Variants in GPC6 observed in about 807,000 individuals in gnomAD.
The protein encoded by GPC6 is glypican-6.
Under a neutral mutation model 55.2 loss-of-function variants are expected in GPC6, and 14 were observed. The observed-to-expected ratio is 0.25, with a 90% CI of 0.17 to 0.40. The LOEUF is 0.40. GPC6 is among the 10% of genes least tolerant of loss of function. The probability of loss-of-function intolerance (pLI) is 1.00; values close to 1 mark genes in which losing one functional copy is unlikely to be tolerated. For synonymous variants in GPC6, 278 were observed against 259.6 expected, an observed-to-expected ratio of 1.07 and a Z score of -0.68; for missense variants, 641 against 708.5, an observed-to-expected ratio of 0.90 and a Z score of 1.08.
chr13:93,773,584 G>C (rs1409727261), intron 2 of GPC6, among the ~76,000 whole-genome samples: 1 of 152,062 alleles, frequency 6.6e-6, no homozygotes, highest in African/African-American at 2.4e-5. Flanking sequence ...GTAGTTTTAA[G>C]TTGCTTCTCT....
At chr13:93,383,002 A>C (rs1178499281) in intron 1 of GPC6, among the ~76,000 whole-genome samples, 5 of 152,140 alleles carry the variant, frequency 3.3e-5, no homozygotes, top group African/African-American at 9.7e-5. Flanking sequence ...GGTTCAAATC[A>C]ATCCATAATT....
At chr13:94,352,765 G>A (rs1878614615) in intron 6 of GPC6, among the ~76,000 whole-genome samples, 1 of 152,122 alleles carries the variant, frequency 6.6e-6, no homozygotes, top group African/African-American at 2.4e-5. Context: ...GACTTGTGCT[G>A]TCAGTTTCAT....
chr13:93,547,725 A>G (rs993499662), intron 2 of GPC6, among the ~76,000 whole-genome samples: 17 of 146,042 alleles, frequency 1.2e-4, no homozygotes, highest in Admixed American at 6.9e-4. Context: ...CCAGAGTGGG[A>G]AAAAAAAAAA....
At chr13:93,722,221 A>T (rs1381590613) in intron 2 of GPC6, among the ~76,000 whole-genome samples, 1 of 151,742 alleles carries the variant, frequency 6.6e-6, no homozygotes, top group East Asian at 1.9e-4. Flanking sequence ...ATGCCTGAAT[A>T]TTTTTATATG....
At position 94,403,459 on chromosome 13, in the gene GPC6, A is replaced by G. The variant is rs1018832704; in HGVS notation, c.*242A>G. 5.7e-6 allele frequency: 3 copies of G among 524,540 alleles called. No homozygotes were observed. The highest frequency in any genetic ancestry group is 3.4e-5 in the East Asian group (1 of 28,986). 32.5% of individuals were successfully genotyped at this position (524,540 alleles called of 1,614,324 possible). A position where few individuals can be genotyped will look rare whatever the true frequency, so the allele number is the denominator to read the frequency against. ...CTTGTTTATTCTAGAGAGAATTCTT[A>G]CTCAAATTTTTCGTACCAGGAGATT... On this transcript the variant is annotated 3_prime_UTR_variant, in exon 9 of 9. Coordinates refer to ENST00000377047, the MANE Select transcript of GPC6 (RefSeq NM_005708.5).
At chr13:93,247,477 C>A (rs564391400) in intron 1 of GPC6, among the ~76,000 whole-genome samples, 1 of 152,208 alleles carries the variant, frequency 6.6e-6, no homozygotes, top group Admixed American at 6.5e-5. Context: ...TTATCAAGTG[C>A]TAATGTGTGA....
intron 4 of GPC6, among the ~76,000 whole-genome samples, chr13:94,074,049 G>A (rs1316963572): frequency 1.3e-5 from 2 of 152,134 alleles, no homozygotes; most frequent in Non-Finnish European, 2.9e-5. Flanking sequence ...AGGAATCAGT[G>A]TGTATTAGAG....
intron 2 of GPC6, among the ~76,000 whole-genome samples, chr13:93,718,688 T>C (rs1883339080): frequency 6.6e-6 from 1 of 152,208 alleles, no homozygotes; most frequent in Non-Finnish European, 1.5e-5. Flanking sequence ...CCTATTCATA[T>C]GTCCTTAATG....
intron 2 of GPC6, among the ~76,000 whole-genome samples, chr13:93,785,345 G>A (rs1394390856): frequency 1.3e-5 from 2 of 152,164 alleles, no homozygotes; most frequent in Non-Finnish European, 2.9e-5. Context: ...TGTAAGTTTT[G>A]AAAATGGATC....
intron 4 of GPC6, among the ~76,000 whole-genome samples, chr13:94,172,049 T>C (rs1888586463): frequency 6.6e-6 from 1 of 152,152 alleles, no homozygotes; most frequent in Non-Finnish European, 1.5e-5. Context: ...ACAGTGAGCA[T>C]TGTTTAAATG....
chr13:93,883,129 T>C (rs1875097803), intron 3 of GPC6, among the ~76,000 whole-genome samples: 1 of 150,874 alleles, frequency 6.6e-6, no homozygotes, highest in African/African-American at 2.4e-5. Flanking sequence ...CTCTGTTCAA[T>C]ATGCACTGCT....
At chr13:93,511,434 T>G (rs4390456) in intron 1 of GPC6, among the ~76,000 whole-genome samples, 126,498 of 151,632 alleles carry the variant, frequency 0.83, 53,834 homozygotes, top group Non-Finnish European at 0.92. Flanking sequence ...TGAAGGTGGT[T>G]TCCTTTCCCC....
intron 3 of GPC6, among the ~76,000 whole-genome samples, chr13:93,906,431 A>G (rs905238668): frequency 1.3e-5 from 2 of 152,184 alleles, no homozygotes; most frequent in Non-Finnish European, 2.9e-5. Flanking sequence ...TGCTCATGAC[A>G]GTGTCTTACA....
intron 1 of GPC6, among the ~76,000 whole-genome samples, chr13:93,431,066 A>G (rs1877339033): frequency 6.6e-6 from 1 of 152,178 alleles, no homozygotes; most frequent in Non-Finnish European, 1.5e-5. Flanking sequence ...AAAATAAGAC[A>G]TAACAATCTT....
chr13:93,553,876 G>C (rs1051748010), intron 2 of GPC6, among the ~76,000 whole-genome samples: 1 of 116,926 alleles, frequency 8.6e-6, no homozygotes, highest in East Asian at 2.2e-4. Context: ...ACAGTGCCTC[G>C]TGCCTGTAAT....
chr13:93,532,092 T>C (rs1471368235), intron 1 of GPC6, among the ~76,000 whole-genome samples: 1 of 152,240 alleles, frequency 6.6e-6, no homozygotes, highest in Non-Finnish European at 1.5e-5. Flanking sequence ...GCTTCCTGTT[T>C]TGCCCAAGTG....
chr13:93,324,969 A>G (rs1879604124), intron 1 of GPC6, among the ~76,000 whole-genome samples: 1 of 152,028 alleles, frequency 6.6e-6, no homozygotes, highest in Non-Finnish European at 1.5e-5. Context: ...CCAGCGTGAA[A>G]CCTACCCCTC....
At chr13:93,735,532 AAAG>A (rs1217881656) in intron 2 of GPC6, among the ~76,000 whole-genome samples, 16 of 152,028 alleles carry the variant, frequency 1.1e-4, no homozygotes, top group South Asian at 4.2e-4. Flanking sequence ...AAAAAAAAAA[AAAG>A]AAGAAGAAGA....
chr13:93,793,501 A>G (rs1886109058), intron 2 of GPC6, among the ~76,000 whole-genome samples: 1 of 152,160 alleles, frequency 6.6e-6, no homozygotes, highest in African/African-American at 2.4e-5. Context: ...GGTGAATTCC[A>G]TGCTAAGATT....
Sources: gnomAD v4.1 joint callset for allele counts (sites outside exome capture counted in the v4.1 genomes callset) on GRCh38, gnomAD v4.1.1 for gene constraint, MANE v1.5 for transcripts, NCBI Gene and HGNC (gene_info 2026-07-23, HGNC 2026-07-21) for gene names.